TMEM132B: variants seen among roughly 807,000 people sequenced by gnomAD.
TMEM132B encodes the protein transmembrane protein 132B.
Under a neutral mutation model 90.8 loss-of-function variants are expected in TMEM132B, and 18 were observed. The observed-to-expected ratio is 0.20, with a 90% CI of 0.14 to 0.29. The LOEUF (loss-of-function observed/expected upper bound fraction) is 0.29. Among genes scored for constraint, TMEM132B ranks in the 10% least tolerant of loss-of-function variants. The pLI, the probability that TMEM132B is intolerant of heterozygous loss-of-function variation, is 1.00. For missense variants in TMEM132B, 1,096 were observed against 1,326.8 expected, an observed-to-expected ratio of 0.83 and a Z score of 2.70; for synonymous variants, 504 against 523.3, an observed-to-expected ratio of 0.96 and a Z score of 0.50.
At chr12:125,528,965 C>T (rs1018394640) in intron 4 of TMEM132B, among the ~76,000 whole-genome samples, 1 of 141,862 alleles carries the variant, frequency 7.0e-6, no homozygotes, top group African/African-American at 2.6e-5. Flanking sequence ...TTCTTCCCCC[C>T]TCTTTCTTTC....
At chr12:125,537,960 G>A (rs1025486966) in intron 4 of TMEM132B, among the ~76,000 whole-genome samples, 5 of 152,052 alleles carry the variant, frequency 3.3e-5, no homozygotes, top group African/African-American at 1.2e-4. Flanking sequence ...CCACCACCCC[G>A]AAACTCTGCA....
intron 3 of TMEM132B, 100 bp from the exon 4 acceptor site, chr12:125,519,339 C>A: frequency 7.8e-7 from 1 of 1,282,642 alleles, no homozygotes; most frequent in Non-Finnish European, 1.1e-6. Flanking sequence ...GGCAGTCATT[C>A]TTTTGGTTGA....
chr12:125,267,608 C>A (rs551841929), intron 1 of TMEM132B, among the ~76,000 whole-genome samples: 1 of 152,094 alleles, frequency 6.6e-6, no homozygotes. Context: ...AGAAACACTG[C>A]AGTTGGGATG....
At chr12:125,507,452 G>A (rs571886841) in intron 3 of TMEM132B, among the ~76,000 whole-genome samples, 2 of 152,280 alleles carry the variant, frequency 1.3e-5, no homozygotes, top group Non-Finnish European at 2.9e-5. Context: ...GATAGGGATC[G>A]CTCTAGTGTA....
chr12:125,367,025 T>C (rs945940312), intron 2 of TMEM132B, among the ~76,000 whole-genome samples: 3 of 152,182 alleles, frequency 2.0e-5, no homozygotes, highest in Admixed American at 6.5e-5. Flanking sequence ...TCTTTTATTG[T>C]CATTTTTATT....
chr12:125,354,465 C>T (rs952978766), intron 2 of TMEM132B, among the ~76,000 whole-genome samples: 2 of 152,218 alleles, frequency 1.3e-5, no homozygotes, highest in African/African-American at 4.8e-5. Context: ...ACCCCTGTCC[C>T]CACCACTCCC....
At chr12:125,370,901 T>C (rs888075011) in intron 2 of TMEM132B, among the ~76,000 whole-genome samples, 1 of 151,500 alleles carries the variant, frequency 6.6e-6, no homozygotes, top group African/African-American at 2.4e-5. Flanking sequence ...TGACAGGGAG[T>C]TTATGAAGGA....
At chr12:125,216,154 C>A (rs1377231138) in intron 1 of TMEM132B, among the ~76,000 whole-genome samples, 1 of 152,194 alleles carries the variant, frequency 6.6e-6, no homozygotes, top group Non-Finnish European at 1.5e-5. Context: ...ACAGAAATTT[C>A]TTTTCTTACA....
chr12:125,352,136 G>A (rs954409498), intron 2 of TMEM132B, among the ~76,000 whole-genome samples: 3 of 152,186 alleles, frequency 2.0e-5, no homozygotes, highest in African/African-American at 7.2e-5. Flanking sequence ...TTCTTCTTCA[G>A]GAAGGCCTTT....
At chr12:125,433,987 A>G (rs920725175) in intron 3 of TMEM132B, among the ~76,000 whole-genome samples, 3 of 152,192 alleles carry the variant, frequency 2.0e-5, no homozygotes, top group African/African-American at 7.2e-5. Context: ...CAGATTATCA[A>G]AAACTTTGTG....
chr12:125,192,650 T>A (rs546230614), intron 1 of TMEM132B, among the ~76,000 whole-genome samples: 64 of 152,370 alleles, frequency 4.2e-4, no homozygotes, highest in African/African-American at 1.5e-3. Context: ...GGCTGAAACC[T>A]GTCCCTTCTA....
intron 1 of TMEM132B, among the ~76,000 whole-genome samples, chr12:125,302,070 C>T (rs543503103): frequency 3.5e-4 from 53 of 151,914 alleles, no homozygotes; most frequent in Non-Finnish European, 5.2e-4. Context: ...TGCAGTGGCA[C>T]GTGCCTGTAA....
chr12:125,317,537 G>A (rs1876316519), intron 1 of TMEM132B, among the ~76,000 whole-genome samples: 1 of 152,042 alleles, frequency 6.6e-6, no homozygotes, highest in Admixed American at 6.5e-5. Context: ...TTGGCGAGGG[G>A]TCCTGGCTTG....
chr12:125,617,234 A>G (rs762720785), intron 5 of TMEM132B, among the ~76,000 whole-genome samples: 7 of 151,616 alleles, frequency 4.6e-5, no homozygotes, highest in Admixed American at 1.3e-4. Context: ...ATTAAAGTCT[A>G]TTTCCCTTCC....
chr12:125,580,933 A>G (rs543609090), intron 4 of TMEM132B, among the ~76,000 whole-genome samples: 1 of 152,320 alleles, frequency 6.6e-6, no homozygotes, highest in Non-Finnish European at 1.5e-5. Context: ...GGACGATTTC[A>G]ATGTAATATT....
intron 3 of TMEM132B, among the ~76,000 whole-genome samples, chr12:125,517,511 A>G (rs1883197801): frequency 6.6e-6 from 1 of 151,928 alleles, no homozygotes; most frequent in Non-Finnish European, 1.5e-5. Context: ...TTTTCTTGCA[A>G]AACAACTTGT....
At chr12:125,420,268 C>G (rs944520333) in intron 3 of TMEM132B, among the ~76,000 whole-genome samples, 1 of 152,256 alleles carries the variant, frequency 6.6e-6, no homozygotes, top group East Asian at 1.9e-4. Flanking sequence ...CATTAGGGCT[C>G]TGCCCCTGCA....
At chr12:125,457,637 T>C (rs549278716) in intron 3 of TMEM132B, among the ~76,000 whole-genome samples, 1 of 152,234 alleles carries the variant, frequency 6.6e-6, no homozygotes, top group African/African-American at 2.4e-5. Flanking sequence ...GAATAGTTGA[T>C]TTGGCTGGTG....
At chr12:125,276,446 C>T (rs4765033) in intron 1 of TMEM132B, among the ~76,000 whole-genome samples, 48,214 of 152,082 alleles carry the variant, frequency 0.32, 7,944 homozygotes, top group East Asian at 0.49. Flanking sequence ...AGGAACTATC[C>T]ATCCCGGACT....
Sources: gnomAD v4.1 joint callset for allele counts (sites outside exome capture counted in the v4.1 genomes callset) on GRCh38, gnomAD v4.1.1 for gene constraint, MANE v1.5 for transcripts, NCBI Gene and HGNC (gene_info 2026-07-23, HGNC 2026-07-21) for gene names.